SAMD4B: variants seen among roughly 807,000 people sequenced by gnomAD.
SAMD4B encodes the protein sterile alpha motif domain containing 4B.
A neutral mutation model predicts 74.5 loss-of-function variants in SAMD4B; 5 were observed. The observed-to-expected ratio is 0.07, with a 90% CI of 0.04 to 0.14. SAMD4B has a LOEUF of 0.14. Ranked by LOEUF, SAMD4B falls within the 10% of genes least tolerant of loss-of-function variation. SAMD4B has a pLI of 1.00. For synonymous variants in SAMD4B, 373 were observed against 374.9 expected (o/e 1.00, Z 0.06); for missense variants, 608 against 921.8 (o/e 0.66, Z 4.41).
chr19:39,356,581 A>C (rs1445357444), intron 2 of SAMD4B, 108 bp from the exon 3 acceptor site: 1 of 217,810 alleles, frequency 4.6e-6, no homozygotes, highest in African/African-American at 2.3e-5. Flanking sequence ...CAGCAGAGCA[A>C]GTACCCTGAA....
intron 3 of SAMD4B, among the ~76,000 whole-genome samples, chr19:39,366,185 A>G (rs1270272009): frequency 6.6e-6 from 1 of 152,206 alleles, no homozygotes; most frequent in Non-Finnish European, 1.5e-5. Flanking sequence ...GTGTCATGGT[A>G]TGTGGCTGTA....
At chr19:39,390,694 G>T, downstream of SAMD4B, 1 of 1,024,322 alleles carries the variant, frequency 9.8e-7, no homozygotes, top group Non-Finnish European at 1.5e-6. Flanking sequence ...GAAGGAACCC[G>T]CCCCCTTCGT....
At chr19:39,386,830 G>A (rs2078261879), downstream of SAMD4B, 3 of 1,480,934 alleles carry the variant, frequency 2.0e-6, no homozygotes, top group Admixed American at 1.7e-5. The surrounding 1 kb of genome is among the most constrained non-coding windows in gnomAD (Gnocchi z 6.1). Context: ...AGAGAGAAGT[G>A]GAAGATGCAG....
At chr19:39,389,869 C>T, downstream of SAMD4B, 1 of 1,469,212 alleles carries the variant, frequency 6.8e-7, no homozygotes, top group Non-Finnish European at 9.5e-7. This position sits in a 1 kb window ranked among gnomAD's most constrained non-coding sequence, Gnocchi z 5.3. Flanking sequence ...ATGAAGTGTC[C>T]CCCATGGCAG....
In SAMD4B at chr19:39,354,059, C is replaced by A. The variant is rs2076207311; in HGVS notation, c.-213C>A. The A allele has an allele frequency of 6.6e-6, 1 of 152,184 alleles. No homozygotes were observed. Among genetic ancestry groups the A allele is most frequent in the Non-Finnish European group, 1.5e-5 (1 of 68,052 alleles). The allele number at this position is 152,184 out of a possible 1,614,324, so 9.4% of individuals were successfully genotyped here. A position where few individuals can be genotyped will look rare whatever the true frequency, so the allele number is the denominator to read the frequency against. On this transcript the variant is annotated 5_prime_UTR_variant, in exon 2 of 14. Coordinates refer to ENST00000610417, the MANE Select transcript of SAMD4B (RefSeq NM_001384574.2). The stretch of plus-strand genomic sequence containing the variant: ...GCCACTACCAATCGATTGGAGTTAG[C>A]CTGTGAGGTAAAACCTATTTGTCAT...
rs772202618 is a variant in SAMD4B at position 39,384,847 on chromosome 19, A to C, written c.*1320A>C. 2.6e-5 allele frequency: 4 copies of C among 152,656 alleles called. No homozygotes were observed. The allele number at this position is 152,656 out of a possible 1,614,324, so 9.5% of individuals were successfully genotyped here. A position where few individuals can be genotyped will look rare whatever the true frequency, so the allele number is the denominator to read the frequency against. ...ATTTTATGAATAACTTTTGTTATGA[A>C]TATGGCTGGTAACCATTGTGTATGT... On this transcript the variant is annotated 3_prime_UTR_variant, in exon 14 of 14. Transcript: ENST00000610417.
intron 12 of SAMD4B, among the ~76,000 whole-genome samples, chr19:39,382,366 G>A (rs751509810): frequency 2.6e-5 from 4 of 152,146 alleles, no homozygotes; most frequent in Admixed American, 6.5e-5. Context: ...CCTCCCAACT[G>A]TATGTGTAAG....
chr19:39,367,913 G>A (rs145168145), intron 3 of SAMD4B, among the ~76,000 whole-genome samples: 1 of 151,802 alleles, frequency 6.6e-6, no homozygotes, highest in Non-Finnish European at 1.5e-5. Flanking sequence ...CTCCCTTGTG[G>A]GTTGAAAGGG....
intron 3 of SAMD4B, among the ~76,000 whole-genome samples, chr19:39,360,619 G>A (rs192988835): frequency 5.3e-5 from 8 of 152,234 alleles, no homozygotes. Context: ...CTAAGAAGCA[G>A]GTGCCTCCTG....
In SAMD4B at chr19:39,380,037, C is replaced by G. The variant is rs946763368; in HGVS notation, c.1602C>G (p.Phe534Leu). ...AAGTGCTGAAGCTCCTCCGGACATT[C>G]CCGCGCAAAGCCGCACTAGAGATGC... ...KQQVLKLLRT[F>L]PRKAALEMQN... The change falls in exon 10 of 14, where the codon TTC becomes TTG. Residue 534 changes from phenylalanine (F) to leucine (L), a missense_variant. By Grantham distance (22) the Phe-to-Leu change is conservative (BLOSUM62 0). Around this residue, in one of 9 missense-constraint regions of SAMD4B, gnomAD observed 167 missense variants for 193.0 expected, o/e 0.87. Transcript: ENST00000610417. 10 of 1,613,818 alleles carry G rather than the reference C, an allele frequency of 6.2e-6. No individual in the cohort carries two copies. The African/African-American group carries it at 8.0e-5, about 13-fold the overall frequency.
At chr19:39,376,666 A>C in intron 6 of SAMD4B, 39 bp from the exon 7 acceptor site, 1 of 1,603,806 alleles carries the variant, frequency 6.2e-7, no homozygotes, top group Non-Finnish European at 8.5e-7. Context: ...TCTCAGCCTC[A>C]CATCTCTAGC....
chr19:39,354,958 C>T (rs995594378), intron 2 of SAMD4B, among the ~76,000 whole-genome samples: 1 of 152,162 alleles, frequency 6.6e-6, no homozygotes, highest in Non-Finnish European at 1.5e-5. Context: ...CTGCAACCTC[C>T]GCCTCCCAGC....
Position 39,380,781 on chromosome 19 carries a change from G to A in SAMD4B, c.1844G>A (p.Arg615Gln), listed in dbSNP as rs202184258. 6 of 1,542,742 alleles carry A rather than the reference G, an allele frequency of 3.9e-6. No homozygotes were observed. The highest frequency in any genetic ancestry group is 1.4e-5 in the African/African-American group (1 of 73,004). The change falls in exon 11 of 14, where the codon CGA (arginine) becomes CAA (glutamine). Residue 615 changes from arginine (R) to glutamine (Q), a missense_variant. Coordinates refer to ENST00000610417, the MANE Select transcript of SAMD4B (RefSeq NM_001384574.2). The part of the protein sequence containing the change: ...LTSPSLGGQG[R>Q]QNLWFANPGG... ...AGCCCCAGCCTTGGAGGCCAGGGCC[G>A]ACAGGTAAGCTGGCTGGAAGCAGGG...
At chr19:39,362,904 G>C (rs924483943) in intron 3 of SAMD4B, among the ~76,000 whole-genome samples, 1 of 152,066 alleles carries the variant, frequency 6.6e-6, no homozygotes, top group East Asian at 1.9e-4. Flanking sequence ...TGAGTCATCA[G>C]AGCTCAGCCC....
In SAMD4B at chr19:39,384,903, CAAAA is replaced by C. The variant is rs772292411; in HGVS notation, c.*1381_*1384del. ...AAGATACAAAATGTTGGGAAAAAAA[CAAAA>C]AAAACAAAAAAAAAAAAAATTTTAA... is the stretch of plus-strand genomic sequence containing the variant. On this transcript the variant is annotated 3_prime_UTR_variant, in exon 14 of 14. Coordinates refer to ENST00000610417, the MANE Select transcript of SAMD4B (RefSeq NM_001384574.2). The C allele has an allele frequency of 6.1e-5, 9 of 146,778 alleles. No homozygotes were observed. Among genetic ancestry groups the C allele is most frequent in the African/African-American group, 1.0e-4 (4 of 39,966 alleles). The allele number at this position is 146,778 out of a possible 1,614,324, so 9.1% of individuals were successfully genotyped here.
At chr19:39,350,006 C>T (rs2075935487) in intron 1 of SAMD4B, 1 of 152,208 alleles carries the variant, frequency 6.6e-6, no homozygotes, top group Non-Finnish European at 1.5e-5. Flanking sequence ...GACTTAACTT[C>T]TCTGTGCCTC....
rs2077921465 is a variant in SAMD4B at position 39,380,739 on chromosome 19, C to T, written c.1802C>T (p.Pro601Leu). 6.3e-7 allele frequency: 1 copy of T among 1,599,412 alleles called. No individual in the cohort carries two copies. The highest frequency in any genetic ancestry group is 1.7e-5 in the Admixed American group (1 of 58,480). ...CCCTCGGGCATTGGGGGTGTCTCCC[C>T]TCGACATGCCCTCACCAGCCCCAGC... ...LSPSGIGGVS[P>L]RHALTSPSLG... Residue 601 changes from proline (P) to leucine (L), a missense_variant, in exon 11 of 14, where the codon CCT becomes CTT. Transcript: ENST00000610417.
downstream of SAMD4B, chr19:39,388,657 C>A: frequency 6.2e-7 from 1 of 1,614,158 alleles, no homozygotes; most frequent in Non-Finnish European, 8.5e-7. Context: ...AACTGGTTCC[C>A]TTCCTCATCC....
chr19:39,347,002 A>T (rs912979058), intron 1 of SAMD4B, among the ~76,000 whole-genome samples: 1 of 152,258 alleles, frequency 6.6e-6, no homozygotes, highest in Non-Finnish European at 1.5e-5. Context: ...AAAAGCTCAT[A>T]TCAGCCAGAA....
Sources: allele counts gnomAD v4.1 joint callset (sites outside exome capture counted in the v4.1 genomes callset), GRCh38; gene constraint gnomAD v4.1.1; regional missense constraint gnomAD v4.1.1; non-coding constraint Gnocchi (gnomAD v3.1); transcripts MANE v1.5; gene names NCBI Gene and HGNC (gene_info 2026-07-23, HGNC 2026-07-21).